ACSS2: variants seen among roughly 807,000 people sequenced by gnomAD.
ACSS2 encodes the protein acyl-CoA synthetase short chain family member 2, also known as acetyl-coenzyme A synthetase, cytoplasmic.
Under a neutral mutation model 90.6 loss-of-function variants are expected in ACSS2, and 58 were observed. That is an observed-to-expected ratio of 0.64 (90% CI 0.52 to 0.80). The LOEUF (loss-of-function observed/expected upper bound fraction) is 0.80, where lower values mean the gene tolerates loss of function less well. Among genes scored for constraint, ACSS2 ranks in the 30% least tolerant of loss-of-function variants. ACSS2 has a pLI of 0.00. For missense variants in ACSS2, 759 were observed against 912.0 expected (o/e 0.83, Z 2.16); for synonymous variants, 300 against 330.9 (o/e 0.91, Z 1.01).
intron 13 of ACSS2, chr20:34,922,477 G>C (rs867032981): frequency 6.6e-6 from 1 of 152,256 alleles, no homozygotes; most frequent in Non-Finnish European, 1.5e-5. Context: ...GGTGGTGGAC[G>C]TCTGTAATCC....
At chr20:34,882,676 G>A (rs1050597313) in intron 1 of ACSS2, 118 bp from the exon 2 acceptor site, 7 of 863,092 alleles carry the variant, frequency 8.1e-6, no homozygotes, top group African/African-American at 3.5e-5. Flanking sequence ...AGGGACCCAG[G>A]TGGTGGGTCC....
chr20:34,926,062 G>C, intron 15 of ACSS2, 43 bp from the exon 16 acceptor site: 1 of 1,608,034 alleles, frequency 6.2e-7, no homozygotes. Context: ...GGCTGGGGCA[G>C]AGCCTGGGAT....
In ACSS2 at chr20:34,924,947, C is replaced by T. The variant is rs545933866; in HGVS notation, c.1658-751C>T. ...ACTCCTGATCCACCCACCTTGGCCTCCCAAAGTGCTGGGATTACAGGCATG... is the reference window on the plus strand; with the variant it reads ...ACTCCTGATCCACCCACCTTGGCCTTCCAAAGTGCTGGGATTACAGGCATG... On this transcript the variant is annotated intron_variant, in intron 14 of 17. Transcript: ENST00000360596. Among the ~76,000 whole-genome samples, 4 of 152,212 alleles carry T rather than the reference C, an allele frequency of 2.6e-5. No homozygotes were observed. The South Asian group carries it at 8.3e-4, about 32-fold the overall frequency.
At chr20:34,922,230 A>G in intron 13 of ACSS2, 1 of 186,766 alleles carries the variant, frequency 5.4e-6, no homozygotes, top group Non-Finnish European at 1.1e-5. Context: ...TTCGAATCCT[A>G]GCTCTGCCTC....
chr20:34,913,104 A>G lies in ACSS2; in HGVS notation c.383A>G (p.Asn128Ser), dbSNP rs149416954. ...TTTCTGGTATGTCTCAGGGAGGGCA[A>G]TGAGCCAGGGGAGACCACTCAGATC... ...GDKVAFYWEG[N>S]EPGETTQITY... Residue 128 changes from asparagine to serine, a missense_variant, in exon 3 of 18, where the codon AAT (asparagine) becomes AGT (serine). Transcript: ENST00000360596. 1,009 of 1,613,956 alleles carry G rather than the reference A, an allele frequency of 6.3e-4. 1 individual carries two copies. The highest frequency in any genetic ancestry group is 8.0e-4 in the Non-Finnish European group (943 of 1,179,868).
chr20:34,893,722 A>C (rs1464514230), intron 2 of ACSS2: 1 of 151,976 alleles, frequency 6.6e-6, no homozygotes, highest in Non-Finnish European at 1.5e-5. Flanking sequence ...GTACAAGAGA[A>C]GACTGCAAAA....
chr20:34,915,132 G>A, intron 7 of ACSS2: 1 of 1,424,326 alleles, frequency 7.0e-7, no homozygotes, highest in Non-Finnish European at 9.9e-7. Flanking sequence ...AGGGAGTTTG[G>A]GGTTTATGAC....
intron 2 of ACSS2, among the ~76,000 whole-genome samples, chr20:34,911,734 A>C (rs2080964700): frequency 6.6e-6 from 1 of 152,150 alleles, no homozygotes; most frequent in Non-Finnish European, 1.5e-5. Flanking sequence ...TATATTTGTT[A>C]TTTGTTTATT....
In ACSS2 at chr20:34,919,506, C is replaced by T. The variant is rs147058493; in HGVS notation, c.906C>T (p.Pro302=). 7.8e-5 allele frequency: 125 copies of T among 1,612,214 alleles called. 2 individuals carry two copies. The highest frequency in any genetic ancestry group is 5.7e-4 in the South Asian group (52 of 91,002). The change falls in exon 8 of 18, where the codon CCC becomes CCT. Residue 302 remains proline, a synonymous_variant. Coordinates refer to ENST00000360596, the MANE Select transcript of ACSS2 (RefSeq NM_018677.4). ...AAGAGGCAGGGGATGAGTGTGAGCC[C>T]GAGTGGTGTGATGCCGAGGACCCAC... ...LMQEAGDECE[P]EWCDAEDPLF...
At chr20:34,882,601 G>A (rs182761886) in intron 1 of ACSS2, among the ~76,000 whole-genome samples, 193 bp from the exon 2 acceptor site, 61 of 151,984 alleles carry the variant, frequency 4.0e-4, no homozygotes, top group African/African-American at 1.4e-3. Context: ...CAGCCTAGGT[G>A]TCACAGTGAG....
chr20:34,908,692 T>C, intron 2 of ACSS2: 1 of 266,968 alleles, frequency 3.7e-6, no homozygotes, highest in Non-Finnish European at 7.3e-6. Flanking sequence ...TGAAACCCCA[T>C]CTCTACTAAA....
At chr20:34,892,956 C>G (rs1208470856) in intron 2 of ACSS2, among the ~76,000 whole-genome samples, 1 of 152,126 alleles carries the variant, frequency 6.6e-6, no homozygotes, top group Non-Finnish European at 1.5e-5. Flanking sequence ...ATGTGGCTTC[C>G]TAAACAACCA....
chr20:34,901,597 G>A (rs2080660611), intron 2 of ACSS2, among the ~76,000 whole-genome samples: 1 of 152,188 alleles, frequency 6.6e-6, no homozygotes. Flanking sequence ...TATCTTGAGT[G>A]CTCCACAATT....
At chr20:34,875,184 G>A, upstream of ACSS2, 2 of 534,500 alleles carry the variant, frequency 3.7e-6, no homozygotes, top group South Asian at 2.8e-5. Flanking sequence ...TGGGGTGGAG[G>A]GGCTAGAGAG....
Position 34,920,657 on chromosome 20 carries a change from G to C in ACSS2, c.1091G>C (p.Gly364Ala). 6.8e-6 allele frequency: 11 copies of C among 1,614,144 alleles called. No homozygotes were observed. Among genetic ancestry groups the C allele is most frequent in the Non-Finnish European group, 9.3e-6 (11 of 1,180,004 alleles). ...ACGGCAGACATTGGTTGGATCACTGGTCATTCCTACGTCACCTATGGGCCA... is the reference window on the plus strand; with the variant it reads ...ACGGCAGACATTGGTTGGATCACTGCTCATTCCTACGTCACCTATGGGCCA... Reference protein sequence around the residue: ...WCTADIGWITGHSYVTYGPLA... With the variant: ...WCTADIGWITAHSYVTYGPLA... Residue 364 changes from glycine (G) to alanine (A), a missense_variant, in exon 9 of 18, where the codon GGT becomes GCT. Physicochemically the swap from Gly to Ala is moderately conservative, Grantham distance 60. Transcript: ENST00000360596.
chr20:34,922,400 G>C (rs1412167172), intron 13 of ACSS2: 1 of 152,814 alleles, frequency 6.5e-6, no homozygotes, highest in African/African-American at 2.4e-5. Context: ...GGCCAGGAGT[G>C]CAAGACCAGC....
At chr20:34,875,885 T>A (rs2079895594), upstream of ACSS2, 1 of 152,500 alleles carries the variant, frequency 6.6e-6, no homozygotes, top group Admixed American at 6.5e-5. Context: ...GCAAGGAGAT[T>A]GAAGACATGT....
Position 34,915,152 on chromosome 20 carries a change from C to G in ACSS2, c.834+715C>G, listed in dbSNP as rs535258718. ...GTTTGGGGTTTATGACACACTGACC[C>G]TTTCCTCCCACTCCCTGTATACTTG... On this transcript the variant is annotated intron_variant, in intron 7 of 17. Transcript: ENST00000360596. 3.6e-4 allele frequency: 558 copies of G among 1,569,888 alleles called. 3 individuals carry two copies. The highest frequency in any genetic ancestry group is 2.3e-3 in the Middle Eastern group (14 of 5,974).
chr20:34,876,789 C>T lies in ACSS2; in HGVS notation c.144C>T (p.Arg48=). 1 of 1,341,584 alleles carries T rather than the reference C, an allele frequency of 7.5e-7. No individual in the cohort carries two copies. The highest frequency in any genetic ancestry group is 9.6e-7 in the Non-Finnish European group (1 of 1,040,374). 83.1% of individuals were successfully genotyped at this position (1,341,584 alleles called of 1,614,324 possible). ...SAHVPSLQRY[R]ELHRRSVEEP... ...ACGTCCCCTCGCTGCAGCGCTACCG[C>T]GAGCTGCACCGGCGCTCCGTGGAGG... The change falls in exon 1 of 18, where the codon CGC becomes CGT. Residue 48 remains arginine (R), a synonymous_variant. Transcript: ENST00000360596.
Sources: allele counts gnomAD v4.1 joint callset (sites outside exome capture counted in the v4.1 genomes callset), GRCh38; gene constraint gnomAD v4.1.1; transcripts MANE v1.5; gene names NCBI Gene and HGNC (gene_info 2026-07-23, HGNC 2026-07-21).